Variants in HDHD2 observed in about 807,000 individuals in gnomAD.
HDHD2 encodes the protein haloacid dehalogenase like hydrolase domain containing 2, also known as haloacid dehalogenase-like hydrolase domain-containing protein 2.
In HDHD2, 26 loss-of-function variants were observed where a neutral mutation model predicts 24.8. The observed-to-expected ratio is 1.05, with a 90% CI of 0.77 to 1.45. HDHD2 has a LOEUF of 1.45. Ranked by LOEUF, HDHD2 falls within the 40% of genes most tolerant of loss-of-function variation. The probability of loss-of-function intolerance (pLI) is 0.00; values close to 1 mark genes in which losing one functional copy is unlikely to be tolerated. For synonymous variants in HDHD2, 128 were observed against 114.9 expected (o/e 1.11, Z -0.73); for missense variants, 299 against 313.4 (o/e 0.95, Z 0.35).
intron 1 of HDHD2, among the ~76,000 whole-genome samples, chr18:47,140,705 T>C (rs1257767132): frequency 2.6e-5 from 4 of 152,084 alleles, no homozygotes; most frequent in Non-Finnish European, 4.4e-5. Flanking sequence ...TCTGTAAAGA[T>C]GGGGTCTTCC....
At position 47,118,385 on chromosome 18, in the gene HDHD2, T is replaced by C. The variant is rs574571046; in HGVS notation, c.396-3037A>G. On this transcript the variant is annotated intron_variant, in intron 4 of 6. Transcript: ENST00000300605. ...TCAGTGATAGACTGGAGAAAGAAAA[T>C]GTGGTACACATACACCATGGAATAC... is the stretch of plus-strand genomic sequence containing the variant. Among the ~76,000 whole-genome samples the C allele has an allele frequency of 1.6e-4, 25 of 152,154 alleles. No homozygotes were observed. In the South Asian group the frequency reaches 5.0e-3, roughly 30 times the overall value.
Position 47,134,501 on chromosome 18 carries a change from A to C in HDHD2, c.305T>G (p.Phe102Cys). Residue 102 changes from phenylalanine to cysteine, a missense_variant, in exon 3 of 7, where the codon TTC becomes TGC. Coordinates refer to ENST00000300605, the MANE Select transcript of HDHD2 (RefSeq NM_032124.5). ...LLVDDRALPD[F>C]KGIQTSDPNA... is the part of the protein sequence containing the mutation. ...ATTTTCCAAATTTCCCCTACCTTTG[A>C]AATCAGGTAGTGCCCGATCATCAAC... 6.2e-7 allele frequency: 1 copy of C among 1,612,222 alleles called. No individual in the cohort carries two copies. Among genetic ancestry groups the C allele is most frequent in the Non-Finnish European group, 8.5e-7 (1 of 1,178,520 alleles).
chr18:47,110,154 A>G (rs563531584), intron 6 of HDHD2: 1 of 985,360 alleles, frequency 1.0e-6, no homozygotes, highest in African/African-American at 1.7e-5. Flanking sequence ...TGTTTTCTAC[A>G]ACTACTTTAA....
chr18:47,127,160 CA>C (rs111559391), intron 4 of HDHD2, among the ~76,000 whole-genome samples: 3 of 146,118 alleles, frequency 2.1e-5, no homozygotes, highest in Admixed American at 6.8e-5. Flanking sequence ...GACTCCGTCT[CA>C]AAAAAAAAAC....
At position 47,137,125 on chromosome 18, in the gene HDHD2, G is replaced by C. The variant is rs1039021913; in HGVS notation, c.-10-676C>G. The C allele has an allele frequency of 8.2e-6, 6 of 729,658 alleles. No individual in the cohort carries two copies. The African/African-American group carries it at 1.0e-4, about 13-fold the overall frequency. 45.2% of individuals were successfully genotyped at this position (729,658 alleles called of 1,614,324 possible). On this transcript the variant is annotated intron_variant, in intron 1 of 6. Coordinates refer to ENST00000300605, the MANE Select transcript of HDHD2 (RefSeq NM_032124.5). ...CTGTGGTGCAGTTTAAGATTAAGAG[G>C]CATACACCACTTGGTAAACTAATGA...
In HDHD2 at chr18:47,107,605, C is replaced by G. The variant is rs1363488921; in HGVS notation, c.*1077G>C. ...ACTATTGCAAGGCCCAGGATTATCA[C>G]AGTATGCAAATGCACTAGGAAAATC... On this transcript the variant is annotated 3_prime_UTR_variant, in exon 7 of 7. Coordinates refer to ENST00000300605, the MANE Select transcript of HDHD2 (RefSeq NM_032124.5). 6.6e-6 allele frequency: 1 copy of G among 152,466 alleles called. No homozygotes were observed. Among genetic ancestry groups the G allele is most frequent in the Non-Finnish European group, 1.5e-5 (1 of 68,036 alleles). 9.4% of individuals were successfully genotyped at this position (152,466 alleles called of 1,614,324 possible). A position where few individuals can be genotyped will look rare whatever the true frequency, so the allele number is the denominator to read the frequency against.
intron 4 of HDHD2, among the ~76,000 whole-genome samples, chr18:47,117,398 G>A (rs547422275): frequency 6.6e-6 from 1 of 152,268 alleles, no homozygotes; most frequent in Admixed American, 6.5e-5. Flanking sequence ...TATTGCAGAA[G>A]TGGGTTCCTG....
chr18:47,111,463 G>C (rs1418018288), intron 6 of HDHD2: 5 of 984,264 alleles, frequency 5.1e-6, no homozygotes, highest in African/African-American at 3.5e-5. Flanking sequence ...TCAATAATGA[G>C]AAAATAAAAC....
chr18:47,145,609 C>G (rs1315794212), intron 1 of HDHD2, among the ~76,000 whole-genome samples: 1 of 152,162 alleles, frequency 6.6e-6, no homozygotes, highest in African/African-American at 2.4e-5. Context: ...TCACACTATA[C>G]ACAACAATTT....
At chr18:47,138,099 G>T (rs1025540333) in intron 1 of HDHD2, among the ~76,000 whole-genome samples, 2 of 146,806 alleles carry the variant, frequency 1.4e-5, no homozygotes, top group African/African-American at 5.0e-5. Flanking sequence ...TTGAACCCGG[G>T]AAGTGGAGGT....
chr18:47,111,610 A>C (rs2144274570), intron 6 of HDHD2: 8 of 985,344 alleles, frequency 8.1e-6, no homozygotes, highest in Non-Finnish European at 8.4e-6. Context: ...GATCATTTTG[A>C]CTGAGACATT....
At chr18:47,132,820 T>A (rs1341395508) in intron 3 of HDHD2, among the ~76,000 whole-genome samples, 1 of 152,206 alleles carries the variant, frequency 6.6e-6, no homozygotes, top group African/African-American at 2.4e-5. Flanking sequence ...AGAGAAACAC[T>A]TTTTTCTTGA....
chr18:47,119,105 G>A (rs1049984067), intron 4 of HDHD2, among the ~76,000 whole-genome samples: 7 of 152,236 alleles, frequency 4.6e-5, no homozygotes, highest in African/African-American at 9.6e-5. Context: ...CCTTCAGGGA[G>A]TCATAATCTT....
chr18:47,110,160 T>C (rs1163381536), intron 6 of HDHD2: 1 of 985,336 alleles, frequency 1.0e-6, no homozygotes, highest in African/African-American at 1.7e-5. Context: ...CTACAACTAC[T>C]TTAAGAGGCT....
At chr18:47,134,827 C>G (rs918567424) in intron 2 of HDHD2, 123 bp from the exon 3 acceptor site, 9 of 711,406 alleles carry the variant, frequency 1.3e-5, no homozygotes, top group Middle Eastern at 3.0e-4. Flanking sequence ...TGTGTAGCCT[C>G]TTGCCCCTCC....
At chr18:47,117,972 A>T (rs183411570) in intron 4 of HDHD2, among the ~76,000 whole-genome samples, 1 of 152,062 alleles carries the variant, frequency 6.6e-6, no homozygotes, top group East Asian at 1.9e-4. Flanking sequence ...CTTCTGCAAT[A>T]AAGCAAGTCA....
At chr18:47,127,268 T>C (rs2144328329) in intron 4 of HDHD2, among the ~76,000 whole-genome samples, 1 of 152,236 alleles carries the variant, frequency 6.6e-6, no homozygotes, top group East Asian at 1.9e-4. Flanking sequence ...TTTAGAATAA[T>C]ATTTAGGAAC....
intron 3 of HDHD2, among the ~76,000 whole-genome samples, 175 bp from the exon 4 acceptor site, chr18:47,130,503 G>A (rs72905499): frequency 0.012 from 1,768 of 152,286 alleles, 20 homozygotes; most frequent in Non-Finnish European, 0.019. Flanking sequence ...CAGAAGGAGA[G>A]GGAGAGGGAG....
At chr18:47,139,303 C>CAA (rs34392866) in intron 1 of HDHD2, among the ~76,000 whole-genome samples, 18 of 142,792 alleles carry the variant, frequency 1.3e-4, no homozygotes, top group East Asian at 4.2e-4. Context: ...CTAAAAAATA[C>CAA]AAAAAAAAAA....
Sources: gnomAD v4.1 joint callset for allele counts (sites outside exome capture counted in the v4.1 genomes callset) on GRCh38, gnomAD v4.1.1 for gene constraint, MANE v1.5 for transcripts, NCBI Gene and HGNC (gene_info 2026-07-23, HGNC 2026-07-21) for gene names.